The following CCAR1 variants were observed in gnomAD, a reference collection of about 807,000 sequenced individuals.
The protein encoded by CCAR1 is cell division cycle and apoptosis regulator protein 1.
A neutral mutation model predicts 163.8 loss-of-function variants in CCAR1; 78 were observed. The observed-to-expected ratio is 0.48, with a 90% CI of 0.40 to 0.57. CCAR1 has a LOEUF of 0.57. Ranked by LOEUF, CCAR1 falls within the 20% of genes least tolerant of loss-of-function variation. The pLI, the probability that CCAR1 is intolerant of heterozygous loss-of-function variation, is 0.00. For missense variants in CCAR1, 1,019 were observed against 1,365.2 expected (o/e 0.75, Z 4.00); for synonymous variants, 443 against 460.7 (o/e 0.96, Z 0.49).
intron 10 of CCAR1, among the ~76,000 whole-genome samples, chr10:68,753,467 A>T (rs1381569220): frequency 6.6e-6 from 1 of 152,206 alleles, no homozygotes; most frequent in Non-Finnish European, 1.5e-5. Flanking sequence ...GGCGTACAGA[A>T]ATACTAATAC....
rs2056855180 is a variant in CCAR1 at position 68,791,922 on chromosome 10, T to C, written c.*656T>C. The stretch of plus-strand genomic sequence containing the variant: ...CCGGTCTCTACTAAAAATATAAAAA[T>C]TAGCTGGGCATGGTGGTGGGTGCCT... On this transcript the variant is annotated 3_prime_UTR_variant, in exon 25 of 25. Transcript: ENST00000265872. The C allele has an allele frequency of 6.6e-6, 1 of 151,936 alleles. No homozygotes were observed. Among genetic ancestry groups the C allele is most frequent in the Admixed American group, 6.6e-5 (1 of 15,214 alleles). 9.4% of individuals were successfully genotyped at this position (151,936 alleles called of 1,614,324 possible). A position where few individuals can be genotyped will look rare whatever the true frequency, so the allele number is the denominator to read the frequency against.
chr10:68,721,310 C>G, intron 1 of CCAR1, 28 bp downstream of exon 1: 1 of 221,366 alleles, frequency 4.5e-6, no homozygotes, highest in South Asian at 3.9e-5. Context: ...GTAGTTGGAG[C>G]AGTGGGCGGC....
chr10:68,758,883 G>C (rs910625519), intron 15 of CCAR1, among the ~76,000 whole-genome samples: 2 of 151,754 alleles, frequency 1.3e-5, no homozygotes, highest in African/African-American at 4.8e-5. Context: ...ATATTGGCCA[G>C]GCTGGTCTGA....
chr10:68,788,971 G>C (rs1398601453), intron 23 of CCAR1, among the ~76,000 whole-genome samples: 1 of 151,500 alleles, frequency 6.6e-6, no homozygotes, highest in Non-Finnish European at 1.5e-5. Flanking sequence ...GTGCAGTGGG[G>C]CTATCTTGGC....
At position 68,791,373 on chromosome 10, in the gene CCAR1, G is replaced by C. The variant is rs1039307206; in HGVS notation, c.*107G>C. ...CATGTTTGATTTTAGTAGTATAAAT[G>C]TATTTTAGTTCAAATGATGTATAAA... On this transcript the variant is annotated 3_prime_UTR_variant, in exon 25 of 25. Transcript: ENST00000265872. The C allele has an allele frequency of 9.2e-6, 6 of 650,860 alleles. No individual in the cohort carries two copies. The African/African-American group carries it at 1.1e-4, about 12-fold the overall frequency. The allele number at this position is 650,860 out of a possible 1,614,324, so 40.3% of individuals were successfully genotyped here.
chr10:68,753,953 T>G lies in CCAR1; in HGVS notation c.1220T>G (p.Leu407Trp). Reference sequence around the variant, plus strand: ...TTTACATGGGTGGATGCTTTCCCTTTGTCAAGACCATTTCAGCTGGGAAAT... The same window carrying G: ...TTTACATGGGTGGATGCTTTCCCTTGGTCAAGACCATTTCAGCTGGGAAAT... ...AQFTWVDAFP[L>W]SRPFQLGNYC... The change falls in exon 11 of 25, where the codon TTG becomes TGG. Residue 407 changes from leucine to tryptophan, a missense_variant. By Grantham distance (61) the Leu-to-Trp change is moderately conservative. This residue lies in a region of CCAR1 where 644 missense variants were observed against 904.4 expected (regional missense o/e 0.71). Transcript: ENST00000265872. 6.2e-7 allele frequency: 1 copy of G among 1,614,046 alleles called. No homozygotes were observed. Among genetic ancestry groups the G allele is most frequent in the Non-Finnish European group, 8.5e-7 (1 of 1,179,922 alleles).
chr10:68,765,180 C>G (rs1490426838), intron 16 of CCAR1, among the ~76,000 whole-genome samples: 1 of 152,186 alleles, frequency 6.6e-6, no homozygotes, highest in Non-Finnish European at 1.5e-5. Flanking sequence ...CTCTCCTAGT[C>G]CCAGCAGTTT....
intron 10 of CCAR1, among the ~76,000 whole-genome samples, chr10:68,752,362 A>G (rs2056343248): frequency 6.6e-6 from 1 of 152,094 alleles, no homozygotes; most frequent in African/African-American, 2.4e-5. Flanking sequence ...ATTATAAGAA[A>G]CTTCGTGCCC....
rs1238481996 is a variant in CCAR1 at position 68,788,046 on chromosome 10, A to G, written c.3000A>G (p.Leu1000=). 3.8e-6 allele frequency: 6 copies of G among 1,586,334 alleles called. No individual in the cohort carries two copies. Among genetic ancestry groups the G allele is most frequent in the Non-Finnish European group, 5.1e-6 (6 of 1,171,710 alleles). The part of the protein sequence containing the change: ...EESESLQEDM[L]GNRLLLPTPT... ...CTGAGTCATTGCAGGAAGATATGCTAGGTCTGAGTAATATTAAGATTTTGC... is the reference window on the plus strand; with the variant it reads ...CTGAGTCATTGCAGGAAGATATGCTGGGTCTGAGTAATATTAAGATTTTGC... The change falls in exon 22 of 25, where the codon CTA becomes CTG. Residue 1000 remains leucine, a splice_region_variant and synonymous_variant. Coordinates refer to ENST00000265872, the MANE Select transcript of CCAR1 (RefSeq NM_018237.4).
Position 68,747,482 on chromosome 10 carries a change from C to T in CCAR1, c.742C>T (p.Leu248=), listed in dbSNP as rs2056272455. The change falls in exon 8 of 25, where the codon CTG becomes TTG. Residue 248 remains leucine, a synonymous_variant. Transcript: ENST00000265872. Reference sequence around the variant, plus strand: ...GACTCAGCCCCAGCCCCAGTCACTGCTGCAGGCACAGATTTCAGCAGCTTC... The same window carrying T: ...GACTCAGCCCCAGCCCCAGTCACTGTTGCAGGCACAGATTTCAGCAGCTTC... ...VQTQPQPQSL[L]QAQISAASIT... 6.8e-6 allele frequency: 11 copies of T among 1,614,140 alleles called. No homozygotes were observed. The East Asian group carries it at 2.5e-4, about 36-fold the overall frequency.
chr10:68,748,449 C>G (rs940110111), intron 8 of CCAR1, among the ~76,000 whole-genome samples: 17 of 148,766 alleles, frequency 1.1e-4, no homozygotes, highest in African/African-American at 4.0e-4. Flanking sequence ...CAGAAGCCTA[C>G]TTAATTAGCA....
At chr10:68,737,219 G>C (rs1023172803) in intron 3 of CCAR1, among the ~76,000 whole-genome samples, 171 bp downstream of exon 3, 2 of 152,108 alleles carry the variant, frequency 1.3e-5, no homozygotes, top group African/African-American at 4.8e-5. Flanking sequence ...GGGAAGAATA[G>C]TTGGGCCAGG....
intron 16 of CCAR1, among the ~76,000 whole-genome samples, chr10:68,764,429 C>G (rs779113414): frequency 6.6e-6 from 1 of 151,846 alleles, no homozygotes; most frequent in Non-Finnish European, 1.5e-5. Context: ...TGGCTGTAGT[C>G]TCAGCTACTG....
chr10:68,763,352 T>C (rs1299331047), intron 16 of CCAR1, among the ~76,000 whole-genome samples: 1 of 152,022 alleles, frequency 6.6e-6, no homozygotes, highest in Non-Finnish European at 1.5e-5. Flanking sequence ...GGTTTTGTCA[T>C]GTTGGCCAGG....
At chr10:68,763,108 AT>A (rs2056493645) in intron 16 of CCAR1, among the ~76,000 whole-genome samples, 1 of 82,014 alleles carries the variant, frequency 1.2e-5, no homozygotes, top group Non-Finnish European at 3.1e-5. Context: ...TGGACTTGTG[AT>A]TTCTTTTTTT....
intron 19 of CCAR1, among the ~76,000 whole-genome samples, chr10:68,776,834 G>GC (rs1732815120): frequency 1.3e-5 from 2 of 152,324 alleles, no homozygotes; most frequent in South Asian, 4.1e-4. Context: ...ACAAGGATGT[G>GC]CCAAGCCTCA....
Position 68,749,524 on chromosome 10 carries a change from T to C in CCAR1, c.957T>C (p.Ser319=). ...TAATTTTAGAAAAATTTGCTTTCAG[T>C]CGTGAGAGAGAGAGAGAAAGACGTA... ...DQVPNRKDDR[S]RERERERRRS... Residue 319 remains serine (S), a splice_region_variant and synonymous_variant, in exon 10 of 25, where the codon AGT becomes AGC. Transcript: ENST00000265872. 1.2e-6 allele frequency: 2 copies of C among 1,608,182 alleles called. No homozygotes were observed. The highest frequency in any genetic ancestry group is 1.7e-6 in the Non-Finnish European group (2 of 1,177,864).
At position 68,773,036 on chromosome 10, in the gene CCAR1, G is replaced by A; in HGVS notation, c.2587G>A (p.Glu863Lys). 3 of 1,561,138 alleles carry A rather than the reference G, an allele frequency of 1.9e-6. No individual in the cohort carries two copies. Among genetic ancestry groups the A allele is most frequent in the Non-Finnish European group, 2.6e-6 (3 of 1,145,988 alleles). The change falls in exon 19 of 25, where the codon GAA becomes AAA. Residue 863 changes from glutamate (E) to lysine (K), a missense_variant. Around this residue, in one of 4 missense-constraint regions of CCAR1, gnomAD observed 358 missense variants for 406.4 expected, o/e 0.88. Coordinates refer to ENST00000265872, the MANE Select transcript of CCAR1 (RefSeq NM_018237.4). ...TTCTAAAGATGATGATGAAACTGAA[G>A]AAGATAACAATCAAGATGAATATGA... ...DDSKDDDETE[E>K]DNNQDEYDPM...
intron 18 of CCAR1, 114 bp downstream of exon 18, chr10:68,771,559 A>G (rs2056602505): frequency 3.1e-6 from 3 of 967,974 alleles, no homozygotes; most frequent in South Asian, 3.3e-5. Context: ...AGATTTTACT[A>G]TATTAGAAAA....
Sources: gnomAD v4.1 joint callset for allele counts (sites outside exome capture counted in the v4.1 genomes callset) on GRCh38, gnomAD v4.1.1 for gene constraint, gnomAD v4.1.1 regional missense constraint, MANE v1.5 for transcripts, NCBI Gene and HGNC (gene_info 2026-07-23, HGNC 2026-07-21) for gene names.